The following CIT variants were observed in gnomAD, a reference collection of about 807,000 sequenced individuals.
CIT encodes the protein citron Rho-interacting kinase.
A neutral mutation model predicts 272.7 loss-of-function variants in CIT; 79 were observed. The ratio of observed to expected loss-of-function variants is 0.29; its 90% CI spans 0.24 to 0.35. CIT has a LOEUF of 0.35. Among genes scored for constraint, CIT ranks in the 10% least tolerant of loss-of-function variants. The pLI is 1.00. For synonymous variants in CIT, 948 were observed against 995.6 expected (o/e 0.95, Z 0.90); for missense variants, 1,909 against 2,618.3 (o/e 0.73, Z 5.91).
At chr12:119,747,336 G>A (rs1319787612) in intron 23 of CIT, among the ~76,000 whole-genome samples, 1 of 151,686 alleles carries the variant, frequency 6.6e-6, no homozygotes, top group African/African-American at 2.4e-5. Context: ...TAGGAAAATC[G>A]CTTGAACCCA....
chr12:119,810,526 C>A (rs1260827906), intron 9 of CIT, among the ~76,000 whole-genome samples: 1 of 151,708 alleles, frequency 6.6e-6, no homozygotes, highest in Non-Finnish European at 1.5e-5. Context: ...ATGGTGAAAG[C>A]CCATCTCTAC....
At chr12:119,823,446 T>C (rs1967893029) in intron 8 of CIT, among the ~76,000 whole-genome samples, 1 of 152,200 alleles carries the variant, frequency 6.6e-6, no homozygotes, top group Admixed American at 6.5e-5. Context: ...GGCCTGCTTC[T>C]TCTGCTCATC....
intron 40 of CIT, among the ~76,000 whole-genome samples, chr12:119,706,202 AG>A: frequency 6.6e-6 from 1 of 152,278 alleles, no homozygotes; most frequent in African/African-American, 2.4e-5. Flanking sequence ...CAGTAGCCTC[AG>A]GGGGTCTATA....
At chr12:119,814,811 C>T (rs1292645413) in intron 9 of CIT, among the ~76,000 whole-genome samples, 2 of 151,890 alleles carry the variant, frequency 1.3e-5, no homozygotes, top group African/African-American at 2.4e-5. Flanking sequence ...CCGAGGCGGG[C>T]GGATTACCTG....
At chr12:119,751,926 A>G in intron 23 of CIT, 124 bp downstream of exon 23, 1 of 851,874 alleles carries the variant, frequency 1.2e-6, no homozygotes, top group Non-Finnish European at 1.7e-6. Flanking sequence ...GCCACTGAAT[A>G]TCTTTGTGGA....
chr12:119,832,218 T>C (rs1455817482), intron 7 of CIT, among the ~76,000 whole-genome samples: 2 of 152,232 alleles, frequency 1.3e-5, no homozygotes, highest in Non-Finnish European at 2.9e-5. Flanking sequence ...ATCTTTTTCC[T>C]AAAGTAGTCT....
At chr12:119,873,572 G>A (rs1000681989) in intron 2 of CIT, among the ~76,000 whole-genome samples, 6 of 152,166 alleles carry the variant, frequency 3.9e-5, no homozygotes, top group Middle Eastern at 3.4e-3. Context: ...GAGCCACCAC[G>A]CCCAGCAAGT....
Position 119,873,899 on chromosome 12 carries a change from T to A in CIT, c.96+2174A>T, listed in dbSNP as rs79288649. ...ACAAATTTAGTATTAATATTATAAC[T>A]AATACTATTCTATGCTGAGTATTAA... On this transcript the variant is annotated intron_variant, in intron 2 of 47. Transcript: ENST00000392521. 7.8e-3 allele frequency among the ~76,000 whole-genome samples: 1,195 copies of A among 152,312 alleles called. 13 individuals are homozygous for A. Among genetic ancestry groups the A allele is most frequent in the African/African-American group, 0.027 (1,127 of 41,564 alleles).
In CIT at chr12:119,697,493, T is replaced by C. The variant is rs1484801452; in HGVS notation, c.5882+166A>G. ...TATTTTCTAATTCTCCTGATGCTCA[T>C]AATGGTCTGTGTTATTTCAGTGCCG... On this transcript the variant is annotated intron_variant, in intron 46 of 47. Transcript: ENST00000392521. The surrounding 1 kb of genome is among the most constrained non-coding windows in gnomAD (Gnocchi z 4.9). 1.3e-5 allele frequency among the ~76,000 whole-genome samples: 2 copies of C among 152,214 alleles called. No individual in the cohort carries two copies. The highest frequency in any genetic ancestry group is 2.4e-5 in the African/African-American group (1 of 41,452).
In CIT at chr12:119,713,549, C is replaced by T. The variant is rs201157214; in HGVS notation, c.4406G>A (p.Arg1469His). 43 of 1,614,102 alleles carry T rather than the reference C, an allele frequency of 2.7e-5. No individual in the cohort carries two copies. Among genetic ancestry groups the T allele is most frequent in the East Asian group, 4.5e-5 (2 of 44,888 alleles). Residue 1469 changes from arginine (R) to histidine (H), a missense_variant, in exon 34 of 48, where the codon CGT becomes CAT. This residue lies in a region of CIT where 780 missense variants were observed against 1,067.2 expected (regional missense o/e 0.73). Transcript: ENST00000392521. This position sits in a 1 kb window ranked among gnomAD's most constrained non-coding sequence, Gnocchi z 5.2. The part of the protein sequence containing the change: ...YATHFTEAFC[R>H]DKMNSPGLQT... The stretch of plus-strand genomic sequence containing the variant: ...GAGACCTGGGGAGTTCATTTTGTCA[C>T]GGCAGAAGGCCTCGGTGAAGTGTGT...
chr12:119,769,653 T>G (rs547177744), intron 18 of CIT, among the ~76,000 whole-genome samples: 1 of 152,208 alleles, frequency 6.6e-6, no homozygotes, highest in Non-Finnish European at 1.5e-5. Flanking sequence ...GAAACTTTGA[T>G]GACGGAACAA....
intron 10 of CIT, among the ~76,000 whole-genome samples, chr12:119,802,912 T>G (rs1284257149): frequency 2.0e-5 from 3 of 152,152 alleles, no homozygotes; most frequent in Non-Finnish European, 2.9e-5. Flanking sequence ...GCTGGAAATC[T>G]CCCACTCTCT....
In CIT at chr12:119,694,983, G is replaced by A. The variant is rs1418101872; in HGVS notation, c.5882+2676C>T. Among the ~76,000 whole-genome samples the A allele has an allele frequency of 1.3e-5, 2 of 152,086 alleles. No homozygotes were observed. The highest frequency in any genetic ancestry group is 4.8e-5 in the African/African-American group (2 of 41,402). On this transcript the variant is annotated intron_variant, in intron 46 of 47. Coordinates refer to ENST00000392521, the MANE Select transcript of CIT (RefSeq NM_001206999.2). The surrounding 1 kb of genome is among the most constrained non-coding windows in gnomAD (Gnocchi z 4.5). ...GAAATTAACCCTAGCCCTTTGCGCG[G>A]CCACTCTCGAGGCAGGGTCAAACCA... is the stretch of plus-strand genomic sequence containing the variant.
At position 119,770,932 on chromosome 12, in the gene CIT, G is replaced by A; in HGVS notation, c.2083-22C>T. On this transcript the variant is annotated intron_variant, in intron 17 of 47. Transcript: ENST00000392521. This position sits in a 1 kb window ranked among gnomAD's most constrained non-coding sequence, Gnocchi z 4.4. ...GTTCCTGTAGATCATGAATCAATCA[G>A]AGAGTTTTAATGGAGTAACCGCTAT... 1 of 1,612,354 alleles carries A rather than the reference G, an allele frequency of 6.2e-7. No individual in the cohort carries two copies. The highest frequency in any genetic ancestry group is 8.5e-7 in the Non-Finnish European group (1 of 1,179,684).
At chr12:119,699,395 A>G (rs577586703) in intron 44 of CIT, among the ~76,000 whole-genome samples, 1 of 152,314 alleles carries the variant, frequency 6.6e-6, no homozygotes, top group South Asian at 2.1e-4. Context: ...AGGACTGGAA[A>G]TATTTTCTGC....
intron 5 of CIT, among the ~76,000 whole-genome samples, chr12:119,846,899 A>G (rs1969844808): frequency 6.6e-6 from 1 of 151,686 alleles, no homozygotes; most frequent in African/African-American, 2.4e-5. Flanking sequence ...AAAAAAAAAA[A>G]AGAAAGAAAA....
At chr12:119,731,538 TA>T (rs1346768528) in intron 26 of CIT, among the ~76,000 whole-genome samples, 1 of 147,792 alleles carries the variant, frequency 6.8e-6, no homozygotes, top group East Asian at 2.0e-4. Flanking sequence ...TCTCCATAAA[TA>T]ATGCTAAAGA....
At position 119,850,163 on chromosome 12, in the gene CIT, T is replaced by A. The variant is rs756477776; in HGVS notation, c.516+11A>T. ...TAGGCTAATTCCAGAGAGACAGATG[T>A]AAAGACTCACCAGATAAAGGTGATT... On this transcript the variant is annotated intron_variant, in intron 5 of 47. Coordinates refer to ENST00000392521, the MANE Select transcript of CIT (RefSeq NM_001206999.2). 5.9e-6 allele frequency: 9 copies of A among 1,518,030 alleles called. No individual in the cohort carries two copies. 94.0% of individuals were successfully genotyped at this position (1,518,030 alleles called of 1,614,324 possible).
intron 26 of CIT, among the ~76,000 whole-genome samples, chr12:119,732,709 A>G (rs997506051): frequency 6.6e-6 from 1 of 152,248 alleles, no homozygotes; most frequent in Non-Finnish European, 1.5e-5. Flanking sequence ...ATGGCCAAGC[A>G]AAAGTGAGAG....
Sources: allele counts gnomAD v4.1 joint callset (sites outside exome capture counted in the v4.1 genomes callset), GRCh38; gene constraint gnomAD v4.1.1; regional missense constraint gnomAD v4.1.1; non-coding constraint Gnocchi (gnomAD v3.1); transcripts MANE v1.5; gene names NCBI Gene and HGNC (gene_info 2026-07-23, HGNC 2026-07-21).